Variants in RFESD observed in about 807,000 individuals in gnomAD.
The protein encoded by RFESD is Rieske Fe-S domain containing.
A neutral mutation model predicts 24.4 loss-of-function variants in RFESD; 16 were observed. The ratio of observed to expected loss-of-function variants is 0.66; its 90% CI spans 0.44 to 1.00. The LOEUF (loss-of-function observed/expected upper bound fraction) is 1.00, where lower values mean the gene tolerates loss of function less well. Among genes scored for constraint, RFESD ranks in the 50% least tolerant of loss-of-function variants. The pLI is 0.00. For synonymous variants in RFESD, 59 were observed against 81.8 expected (o/e 0.72, Z 1.50); for missense variants, 208 against 247.0 (o/e 0.84, Z 1.06).
At chr5:95,647,407 C>G (rs970245300) in intron 1 of RFESD, 4 of 152,192 alleles carry the variant, frequency 2.6e-5, no homozygotes, top group African/African-American at 9.7e-5. Context: ...ACCCACACCC[C>G]TATGTGGCGG....
Position 95,652,123 on chromosome 5 carries a change from C to T in RFESD, c.-135-14C>T. 9.6e-7 allele frequency: 1 copy of T among 1,037,640 alleles called. No homozygotes were observed. Among genetic ancestry groups the T allele is most frequent in the Non-Finnish European group, 1.3e-6 (1 of 758,858 alleles). The allele number at this position is 1,037,640 out of a possible 1,614,324, so 64.3% of individuals were successfully genotyped here. On this transcript the variant is annotated splice_polypyrimidine_tract_variant and intron_variant, in intron 1 of 5. Coordinates refer to ENST00000380005, the MANE Select transcript of RFESD (RefSeq NM_001131066.2). ...GAATTTATGTGGCCTCATTGCCTGC[C>T]TTTTTTTTTCCAGGTTACCACCTAT...
rs754981504 is a variant in RFESD, at chr5:95,657,159, G to A, written c.*850G>A. The A allele has an allele frequency of 3.2e-4, 49 of 152,070 alleles. 1 individual carries two copies. Among genetic ancestry groups the A allele is most frequent in the Admixed American group, 1.8e-3 (27 of 15,250 alleles). 9.4% of individuals were successfully genotyped at this position (152,070 alleles called of 1,614,324 possible). A position where few individuals can be genotyped will look rare whatever the true frequency, so the allele number is the denominator to read the frequency against. ...AAAAACGTTTTAGAACTTTGTGAAT[G>A]TAGGCACAACTAAGTGTCTCCTATA... On this transcript the variant is annotated 3_prime_UTR_variant, in exon 6 of 6. Coordinates refer to ENST00000380005, the MANE Select transcript of RFESD (RefSeq NM_001131066.2).
intron 1 of RFESD, among the ~76,000 whole-genome samples, chr5:95,648,356 G>A (rs1376189789): frequency 6.6e-6 from 1 of 152,070 alleles, no homozygotes; most frequent in African/African-American, 2.4e-5. Flanking sequence ...AACTGTATGA[G>A]TTGTTTAATT....
At chr5:95,655,901 C>A in intron 5 of RFESD, 145 bp from the exon 6 acceptor site, 1 of 692,134 alleles carries the variant, frequency 1.4e-6, no homozygotes, top group South Asian at 2.0e-5. Context: ...TTAGGATCTG[C>A]TTTATGCTGA....
At chr5:95,653,646 C>T (rs930887507) in intron 3 of RFESD, among the ~76,000 whole-genome samples, 5 of 152,186 alleles carry the variant, frequency 3.3e-5, no homozygotes, top group Non-Finnish European at 7.4e-5. Flanking sequence ...CGCCTGTAAT[C>T]CCAGCACTTT....
intron 1 of RFESD, 33 bp from the exon 2 acceptor site, chr5:95,652,104 A>T: frequency 1.4e-6 from 1 of 736,466 alleles, no homozygotes; most frequent in Admixed American, 3.1e-5. Context: ...ATTGGAATTT[A>T]TGTGGCCTCA....
At chr5:95,653,006 C>A in intron 2 of RFESD, 111 bp from the exon 3 acceptor site, 1 of 1,453,626 alleles carries the variant, frequency 6.9e-7, no homozygotes, top group Non-Finnish European at 9.2e-7. Flanking sequence ...CAGCACTGCA[C>A]AACCTGGCTC....
chr5:95,652,476 A>G, intron 2 of RFESD, 145 bp downstream of exon 2: 1 of 1,010,516 alleles, frequency 9.9e-7, no homozygotes, highest in Non-Finnish European at 1.3e-6. Context: ...TGTGTAAAAT[A>G]TATATAGCTC....
chr5:95,652,202 T>G lies in RFESD; in HGVS notation c.-70T>G. 6.7e-7 allele frequency: 1 copy of G among 1,487,924 alleles called. No homozygotes were observed. Among genetic ancestry groups the G allele is most frequent in the Non-Finnish European group, 9.0e-7 (1 of 1,107,166 alleles). 92.2% of individuals were successfully genotyped at this position (1,487,924 alleles called of 1,614,324 possible). On this transcript the variant is annotated 5_prime_UTR_variant, in exon 2 of 6. In the 5' UTR this introduces an upstream ATG that the reference lacks. Coordinates refer to ENST00000380005, the MANE Select transcript of RFESD (RefSeq NM_001131066.2). ...GAAGAAAGCTGTGAATGAATTTCATTTGATTAGCAATAGATTGGACACTCT... is the reference window on the plus strand; with the variant it reads ...GAAGAAAGCTGTGAATGAATTTCATGTGATTAGCAATAGATTGGACACTCT...
At chr5:95,654,504 A>G (rs1561387928) in intron 5 of RFESD, 137 bp downstream of exon 5, 11 of 659,498 alleles carry the variant, frequency 1.7e-5, no homozygotes, top group Non-Finnish European at 2.3e-5. Context: ...ATAAATGAGA[A>G]ATATGCTTAT....
intron 1 of RFESD, among the ~76,000 whole-genome samples, chr5:95,651,909 G>A (rs962885752): frequency 6.6e-6 from 1 of 152,112 alleles, no homozygotes; most frequent in Non-Finnish European, 1.5e-5. Flanking sequence ...GCTCTTACTT[G>A]GATACTAATC....
In RFESD at chr5:95,656,347, T is replaced by C. The variant is rs746607990; in HGVS notation, c.*38T>C. The C allele has an allele frequency of 3.3e-6, 5 of 1,504,560 alleles. No homozygotes were observed. In the African/African-American group the frequency reaches 7.0e-5, roughly 21 times the overall value. The allele number at this position is 1,504,560 out of a possible 1,614,324, so 93.2% of individuals were successfully genotyped here. A position where few individuals can be genotyped will look rare whatever the true frequency, so the allele number is the denominator to read the frequency against. Reference sequence around the variant, plus strand: ...AGAAATGAAAAATGTTGTGTATGCTTGAAAACATTTTTAGAATAACTCTGC... The same window carrying C: ...AGAAATGAAAAATGTTGTGTATGCTCGAAAACATTTTTAGAATAACTCTGC... On this transcript the variant is annotated 3_prime_UTR_variant, in exon 6 of 6. Coordinates refer to ENST00000380005, the MANE Select transcript of RFESD (RefSeq NM_001131066.2).
At chr5:95,647,315 T>C (rs1750146656) in intron 1 of RFESD, 1 of 152,222 alleles carries the variant, frequency 6.6e-6, no homozygotes, top group African/African-American at 2.4e-5. Context: ...ACCTTAGAGG[T>C]GCCAGCTAAC....
At chr5:95,654,940 A>G (rs1188870323) in intron 5 of RFESD, among the ~76,000 whole-genome samples, 1 of 152,108 alleles carries the variant, frequency 6.6e-6, no homozygotes, top group Admixed American at 6.5e-5. Flanking sequence ...TATATTTTTA[A>G]AGAAATAAAC....
rs1258475582 is a variant in RFESD at position 95,657,742 on chromosome 5, C to T, written c.*1433C>T. ...TGGTCCTCATTTCTCAGACAACCAACGAACCAGACTTGGGCTTTTTATAGA... is the reference window on the plus strand; with the variant it reads ...TGGTCCTCATTTCTCAGACAACCAATGAACCAGACTTGGGCTTTTTATAGA... On this transcript the variant is annotated 3_prime_UTR_variant, in exon 6 of 6. Transcript: ENST00000380005. 1 of 152,118 alleles carries T rather than the reference C, an allele frequency of 6.6e-6. No individual in the cohort carries two copies. Among genetic ancestry groups the T allele is most frequent in the Admixed American group, 6.5e-5 (1 of 15,268 alleles). The allele number at this position is 152,118 out of a possible 1,614,324, so 9.4% of individuals were successfully genotyped here. A position where few individuals can be genotyped will look rare whatever the true frequency, so the allele number is the denominator to read the frequency against.
rs372462734 is a variant in RFESD, at chr5:95,656,092, A to G, written c.416A>G (p.Lys139Arg). The G allele has an allele frequency of 6.2e-6, 10 of 1,613,602 alleles. No homozygotes were observed. Among genetic ancestry groups the G allele is most frequent in the Admixed American group, 1.7e-5 (1 of 59,994 alleles). ...ATAGTTTGCCCCTGGCATAAATACA[A>G]AATTACTTTGGCAACAGGAGAAGGT... ...PCIVCPWHKY[K>R]ITLATGEGLY... The change falls in exon 6 of 6, where the codon AAA (lysine) becomes AGA (arginine). Residue 139 changes from lysine (K) to arginine (R), a missense_variant. By Grantham distance (26) the Lys-to-Arg change is conservative. Coordinates refer to ENST00000380005, the MANE Select transcript of RFESD (RefSeq NM_001131066.2).
At chr5:95,647,875 G>A (rs566892930) in intron 1 of RFESD, 2 of 152,154 alleles carry the variant, frequency 1.3e-5, no homozygotes, top group South Asian at 4.1e-4. Context: ...CCAAGCAGTA[G>A]GCATTTACTA....
At position 95,652,974 on chromosome 5, in the gene RFESD, CT is replaced by C. The variant is rs1270468211; in HGVS notation, c.61-142del. 3.5e-6 allele frequency: 4 copies of C among 1,148,436 alleles called. No homozygotes were observed. The East Asian group carries it at 1.0e-4, about 30-fold the overall frequency. 71.1% of individuals were successfully genotyped at this position (1,148,436 alleles called of 1,614,324 possible). A position where few individuals can be genotyped will look rare whatever the true frequency, so the allele number is the denominator to read the frequency against. On this transcript the variant is annotated intron_variant, in intron 2 of 5. Transcript: ENST00000380005. Reference sequence around the variant, plus strand: ...TATACTCTTCAGTGGCTTTCCTTTGCTCTTAGAGTAAAATCCATACACAGCA... The same window carrying C: ...TATACTCTTCAGTGGCTTTCCTTTGCCTTAGAGTAAAATCCATACACAGCA...
chr5:95,647,859 A>G (rs1561383822), intron 1 of RFESD: 2 of 152,194 alleles, frequency 1.3e-5, no homozygotes, highest in South Asian at 2.1e-4. Context: ...ATTATATTCA[A>G]AGGGTCCAAG....
Sources: allele counts gnomAD v4.1 joint callset (sites outside exome capture counted in the v4.1 genomes callset), GRCh38; gene constraint gnomAD v4.1.1; transcripts MANE v1.5; gene names NCBI Gene and HGNC (gene_info 2026-07-23, HGNC 2026-07-21).